Variants in HEATR4 observed in about 807,000 individuals in gnomAD.
The protein encoded by HEATR4 is HEAT repeat-containing protein 4.
Under a neutral mutation model 108.8 loss-of-function variants are expected in HEATR4, and 95 were observed. That is an observed-to-expected ratio of 0.87 (90% CI 0.74 to 1.04). HEATR4 has a LOEUF of 1.04. HEATR4 is among the 50% of genes least tolerant of loss of function. The pLI is 0.00. For synonymous variants in HEATR4, 443 were observed against 459.4 expected (o/e 0.96, Z 0.46); for missense variants, 1,152 against 1,253.8 (o/e 0.92, Z 1.23).
In HEATR4 at chr14:73,492,481, G is replaced by A; in HGVS notation, c.2844+585C>T. ...AGGTGCGGGTCTTGGTTGCCCGCCT[G>A]GGACACTTTGCTCCTGTTGATGCTG... On this transcript the variant is annotated intron_variant, in intron 17 of 17. Transcript: ENST00000553558. The surrounding 1 kb of genome is among the most constrained non-coding windows in gnomAD (Gnocchi z 4.9). 6.2e-7 allele frequency: 1 copy of A among 1,613,718 alleles called. No individual in the cohort carries two copies. The highest frequency in any genetic ancestry group is 8.5e-7 in the Non-Finnish European group (1 of 1,179,770).
the HEATR4 span, among the ~76,000 whole-genome samples, chr14:73,625,448 G>A: frequency 2.6e-5 from 4 of 152,044 alleles, no homozygotes; most frequent in Non-Finnish European, 4.4e-5. Context: ...AGCAACCTCC[G>A]CCTCCCAGGT....
At chr14:73,597,384 ATTAT>A in the HEATR4 span, among the ~76,000 whole-genome samples, 2 of 149,936 alleles carry the variant, frequency 1.3e-5, no homozygotes, top group Admixed American at 6.6e-5. Flanking sequence ...ATGCCCGGCC[ATTAT>A]TTATTTATTT....
At chr14:73,528,283 T>A (rs1176295521) in intron 2 of HEATR4, among the ~76,000 whole-genome samples, 1 of 149,530 alleles carries the variant, frequency 6.7e-6, no homozygotes, top group African/African-American at 2.5e-5. Context: ...TAATCCCAGC[T>A]ACTCAGGAGG....
chr14:73,600,251 C>T, the HEATR4 span, among the ~76,000 whole-genome samples: 1 of 152,132 alleles, frequency 6.6e-6, no homozygotes, highest in Non-Finnish European at 1.5e-5. Flanking sequence ...TCAATTTACT[C>T]TCTGTGAGTT....
intron 15 of HEATR4, among the ~76,000 whole-genome samples, 156 bp from the exon 16 acceptor site, chr14:73,495,543 A>G (rs1198325117): frequency 6.6e-6 from 1 of 152,076 alleles, no homozygotes. Context: ...TGATCATGCC[A>G]CTGCACTCCA....
At chr14:73,629,861 A>C in the HEATR4 span, among the ~76,000 whole-genome samples, 216 of 151,470 alleles carry the variant, frequency 1.4e-3, 2 homozygotes, top group Non-Finnish European at 1.8e-3. Flanking sequence ...GTTAGCCAGG[A>C]TGGTTTGGAT....
chr14:73,501,567 CTCTT>C (rs1689639522), intron 11 of HEATR4, among the ~76,000 whole-genome samples: 1 of 137,446 alleles, frequency 7.3e-6, no homozygotes, highest in South Asian at 2.3e-4. Flanking sequence ...CAGTCTCTCT[CTCTT>C]TTTTTTTTTT....
Position 73,520,938 on chromosome 14 carries a change from G to T in HEATR4, c.983C>A (p.Thr328Asn), listed in dbSNP as rs1887936863. The change falls in exon 4 of 18, where the codon ACC becomes AAC. Residue 328 changes from threonine (T) to asparagine (N), a missense_variant. Transcript: ENST00000553558. ...HEKTSLSQPQ[T>N]QSYFRQVTPR... ...AGTCACCTGGCGAAAGTAGCTCTGGGTTTGGGGCTGGGAGAGGCTCGTCTT... is the reference window on the plus strand; with the variant it reads ...AGTCACCTGGCGAAAGTAGCTCTGGTTTTGGGGCTGGGAGAGGCTCGTCTT... 6.2e-7 allele frequency: 1 copy of T among 1,614,022 alleles called. No homozygotes were observed. The highest frequency in any genetic ancestry group is 8.5e-7 in the Non-Finnish European group (1 of 1,180,032).
chr14:73,591,820 G>A, the HEATR4 span: 2 of 781,870 alleles, frequency 2.6e-6, no homozygotes, highest in African/African-American at 1.8e-5. Context: ...TGAAGTCCCA[G>A]GGGCTTTCTG....
the HEATR4 span, chr14:73,569,456 G>C: frequency 6.2e-7 from 1 of 1,613,596 alleles, no homozygotes; most frequent in Non-Finnish European, 8.5e-7. Context: ...TGGAGCCTGC[G>C]GGCCGCTGCT....
At chr14:73,582,461 C>T in the HEATR4 span, 1 of 151,490 alleles carries the variant, frequency 6.6e-6, no homozygotes, top group East Asian at 1.9e-4. Flanking sequence ...GACCATGGCA[C>T]CCATACAGTC....
chr14:73,560,888 T>C (rs1358422733), upstream of HEATR4, among the ~76,000 whole-genome samples: 50 of 152,022 alleles, frequency 3.3e-4, 1 homozygote, highest in Non-Finnish European at 2.9e-5. Context: ...CCAGCAATTC[T>C]ACTTCTGGGT....
Position 73,492,150 on chromosome 14 carries a change from G to T in HEATR4, c.2844+916C>A. On this transcript the variant is annotated intron_variant, in intron 17 of 17. Transcript: ENST00000553558. The surrounding 1 kb of genome is among the most constrained non-coding windows in gnomAD (Gnocchi z 4.9). ...GCTCTGACATCCAGCCCCAACTTCA[G>T]TCAGGACGACCTCGGTGAGCCGGTG... The T allele has an allele frequency of 6.2e-7, 1 of 1,613,990 alleles. No individual in the cohort carries two copies. Among genetic ancestry groups the T allele is most frequent in the Non-Finnish European group, 8.5e-7 (1 of 1,179,898 alleles).
the HEATR4 span, among the ~76,000 whole-genome samples, chr14:73,590,819 C>T: frequency 6.6e-6 from 1 of 152,092 alleles, no homozygotes; most frequent in Non-Finnish European, 1.5e-5. Flanking sequence ...GCCTCTCCCT[C>T]CACACCTCCC....
intron 2 of HEATR4, among the ~76,000 whole-genome samples, chr14:73,527,048 T>C (rs1336004181): frequency 1.3e-5 from 2 of 152,094 alleles, no homozygotes; most frequent in African/African-American, 4.8e-5. Context: ...TACAGGAGTA[T>C]CCAGGAGTTG....
rs1480968020 is a variant in HEATR4 at position 73,536,397 on chromosome 14, G to GTTT, written c.-151-6156_-151-6154dup. Reference sequence around the variant, plus strand: ...GGGAGCGCCGGTAGTCCCTTGAGGTGTTTGAGAGGCTGAGGCAGGAAGATG... The same window carrying GTTT: ...GGGAGCGCCGGTAGTCCCTTGAGGTGTTTTTTGAGAGGCTGAGGCAGGAAGATG... On this transcript the variant is annotated intron_variant, in intron 1 of 17. Transcript: ENST00000553558. 4.6e-5 allele frequency among the ~76,000 whole-genome samples: 5 copies of GTTT among 109,462 alleles called. 1 individual carries two copies. The highest frequency in any genetic ancestry group is 1.5e-4 in the African/African-American group (5 of 33,588). The allele number at this position is 109,462 out of a possible 152,430, so 71.8% of individuals were successfully genotyped here. A position where few individuals can be genotyped will look rare whatever the true frequency, so the allele number is the denominator to read the frequency against.
intron 15 of HEATR4, among the ~76,000 whole-genome samples, chr14:73,496,350 TG>T (rs1201833648): frequency 6.6e-6 from 1 of 152,218 alleles, no homozygotes; most frequent in Non-Finnish European, 1.5e-5. Flanking sequence ...ATAGTATTTC[TG>T]AAACAATGAG....
At chr14:73,521,117 G>A (rs574028897) in intron 3 of HEATR4, 78 bp from the exon 4 acceptor site, 45 of 1,275,564 alleles carry the variant, frequency 3.5e-5, no homozygotes, top group East Asian at 7.0e-5. Flanking sequence ...TCCACAGCTC[G>A]TTCCCTTTCC....
At chr14:73,631,786 T>G in the HEATR4 span, 1 of 154,548 alleles carries the variant, frequency 6.5e-6, no homozygotes, top group Non-Finnish European at 1.4e-5. Flanking sequence ...GGGGATACAC[T>G]GGCACCTAGA....
Sources: allele counts gnomAD v4.1 joint callset (sites outside exome capture counted in the v4.1 genomes callset), GRCh38; gene constraint gnomAD v4.1.1; non-coding constraint Gnocchi (gnomAD v3.1); transcripts MANE v1.5; gene names NCBI Gene and HGNC (gene_info 2026-07-23, HGNC 2026-07-21).